ST18: variants seen among roughly 807,000 people sequenced by gnomAD.
ST18 encodes the protein suppression of tumorigenicity 18 protein.
A neutral mutation model predicts 110.0 loss-of-function variants in ST18; 50 were observed. The ratio of observed to expected loss-of-function variants is 0.45; its 90% confidence interval spans 0.36 to 0.58. The LOEUF (loss-of-function observed/expected upper bound fraction) is 0.58. Among genes scored for constraint, ST18 ranks in the 20% least tolerant of loss-of-function variants. The probability of loss-of-function intolerance (pLI) is 0.00; values close to 1 mark genes in which losing one functional copy is unlikely to be tolerated. For synonymous variants in ST18, 461 were observed against 452.4 expected (o/e 1.02, Z -0.24); for missense variants, 1,306 against 1,280.1 (o/e 1.02, Z -0.31).
At chr8:52,214,470 G>A (rs1267174524) in intron 6 of ST18, among the ~76,000 whole-genome samples, 1 of 152,124 alleles carries the variant, frequency 6.6e-6, no homozygotes, top group African/African-American at 2.4e-5. Flanking sequence ...AGAGAGAACA[G>A]CGACAAGAGG....
chr8:52,210,228 C>T (rs2081688911), intron 8 of ST18: 2 of 415,070 alleles, frequency 4.8e-6, no homozygotes, highest in Admixed American at 6.1e-5. Flanking sequence ...ATAAATAAAG[C>T]CTCCAGAAAT....
At chr8:52,369,420 C>T (rs537691634) in intron 2 of ST18, among the ~76,000 whole-genome samples, 86 of 152,260 alleles carry the variant, frequency 5.6e-4, no homozygotes, top group African/African-American at 1.9e-3. Context: ...TTGTGGATGA[C>T]GTGGTAAGCC....
chr8:52,254,368 T>C (rs1589350524), intron 2 of ST18: 1 of 152,200 alleles, frequency 6.6e-6, no homozygotes, highest in East Asian at 1.9e-4. Flanking sequence ...CTTTGACTGC[T>C]TAGAGATAAG....
At chr8:52,226,067 T>C (rs930768624) in intron 3 of ST18, among the ~76,000 whole-genome samples, 6 of 152,164 alleles carry the variant, frequency 3.9e-5, no homozygotes, top group African/African-American at 1.4e-4. Context: ...GAAGAACTCC[T>C]TGGGTTAGAT....
At chr8:52,383,915 T>C (rs1330850253) in intron 2 of ST18, among the ~76,000 whole-genome samples, 1 of 152,050 alleles carries the variant, frequency 6.6e-6, no homozygotes, top group Admixed American at 6.5e-5. Context: ...ACCCAGCTAG[T>C]TTTTGTTTTG....
rs1159923532 is a variant in ST18 at position 52,126,055 on chromosome 8, C to T, written c.2752G>A (p.Gly918Arg). Reference protein sequence around the residue: ...ELMTIKLKATGGIESDEEIRH... With the variant: ...ELMTIKLKATRGIESDEEIRH... ...ACAGCCAGCCCTGTGCTCTTACCCC[C>T]AGTTGCTTTGAGCTTGATGGTCATG... is the stretch of plus-strand genomic sequence containing the variant. The change falls in exon 23 of 26, where the codon GGG becomes AGG. Residue 918 changes from glycine to arginine, a missense_variant. Transcript: ENST00000689386. 2 of 1,613,940 alleles carry T rather than the reference C, an allele frequency of 1.2e-6. No individual in the cohort carries two copies. The highest frequency in any genetic ancestry group is 2.2e-5 in the East Asian group (1 of 44,886).
chr8:52,183,810 G>C (rs943783980), intron 8 of ST18, among the ~76,000 whole-genome samples: 1 of 152,054 alleles, frequency 6.6e-6, no homozygotes, highest in Non-Finnish European at 1.5e-5. Flanking sequence ...GTCCATAAAG[G>C]CATTCTACTT....
At chr8:52,289,923 T>C (rs956044138) in intron 2 of ST18, among the ~76,000 whole-genome samples, 4 of 144,724 alleles carry the variant, frequency 2.8e-5, no homozygotes, top group Non-Finnish European at 6.1e-5. Flanking sequence ...TGATTATACC[T>C]TTTTTTTTTT....
chr8:52,309,520 CAAAAAAAAAAA>C (rs756214451), intron 2 of ST18, among the ~76,000 whole-genome samples: 2 of 37,762 alleles, frequency 5.3e-5, no homozygotes, highest in Middle Eastern at 0.029. Context: ...GACTCCATCT[CAAAAAAAAAAA>C]AAAAAAAAAA....
At chr8:52,187,544 G>A (rs2072807629) in intron 8 of ST18, among the ~76,000 whole-genome samples, 1 of 152,180 alleles carries the variant, frequency 6.6e-6, no homozygotes, top group South Asian at 2.1e-4. Context: ...GTCTTACTTT[G>A]TAGAGGCCAA....
At chr8:52,335,230 A>G (rs1811485146) in intron 2 of ST18, among the ~76,000 whole-genome samples, 2 of 152,130 alleles carry the variant, frequency 1.3e-5, no homozygotes, top group African/African-American at 4.8e-5. Flanking sequence ...AACAAAGTAA[A>G]ATTTTAAATA....
intron 2 of ST18, among the ~76,000 whole-genome samples, chr8:52,288,643 G>A (rs187058840): frequency 4.7e-5 from 7 of 150,252 alleles, no homozygotes; most frequent in East Asian, 3.9e-4. Context: ...GCAGTGAGCC[G>A]AGATCGCACC....
intron 2 of ST18, among the ~76,000 whole-genome samples, chr8:52,391,314 G>A (rs1207620615): frequency 6.6e-6 from 1 of 152,160 alleles, no homozygotes; most frequent in African/African-American, 2.4e-5. Context: ...GTGTTGAAGG[G>A]CTGTGAACCC....
intron 24 of ST18, among the ~76,000 whole-genome samples, chr8:52,117,975 C>CA (rs2043161309): frequency 6.6e-6 from 1 of 152,148 alleles, no homozygotes; most frequent in Admixed American, 6.5e-5. Context: ...AAACATTAAA[C>CA]AAAAAGTTGC....
chr8:52,308,379 A>G (rs10958314), intron 2 of ST18, among the ~76,000 whole-genome samples: 3,199 of 152,332 alleles, frequency 0.021, 97 homozygotes, highest in East Asian at 0.071. Context: ...AACTCTGTGA[A>G]TTTGGCAGTA....
chr8:52,363,530 T>C (rs1564582253), intron 2 of ST18, among the ~76,000 whole-genome samples: 1 of 152,324 alleles, frequency 6.6e-6, no homozygotes, highest in East Asian at 1.9e-4. Context: ...ATTATTTTCT[T>C]GGATCGTTAC....
At position 52,399,194 on chromosome 8, in the gene ST18, T is replaced by C. The variant is rs147217109; in HGVS notation, c.-465+10134A>G. 5.6e-3 allele frequency among the ~76,000 whole-genome samples: 847 copies of C among 152,166 alleles called. 8 individuals are homozygous for C. The highest frequency in any genetic ancestry group is 0.019 in the African/African-American group (799 of 41,562). On this transcript the variant is annotated intron_variant, in intron 2 of 25. Transcript: ENST00000689386. ...TTATATTTTTCTATAAATTTATTCA[T>C]CTCCTCTAGGTTATACCATTTATTG...
At chr8:52,198,082 C>A (rs192681742) in intron 8 of ST18, among the ~76,000 whole-genome samples, 3 of 152,098 alleles carry the variant, frequency 2.0e-5, no homozygotes, top group African/African-American at 7.2e-5. Flanking sequence ...TGTGCAGTGG[C>A]GCGATCTCGG....
intron 17 of ST18, among the ~76,000 whole-genome samples, chr8:52,142,369 G>A (rs1296344262): frequency 9.9e-5 from 15 of 152,064 alleles, no homozygotes; most frequent in East Asian, 1.9e-4. Flanking sequence ...AAGTGGACGC[G>A]TTACTCCTTG....
Sources: allele counts gnomAD v4.1 joint callset (sites outside exome capture counted in the v4.1 genomes callset), GRCh38; gene constraint gnomAD v4.1.1; transcripts MANE v1.5; gene names NCBI Gene and HGNC (gene_info 2026-07-23, HGNC 2026-07-21).